GPAT4: variants seen among roughly 807,000 people sequenced by gnomAD.
GPAT4 encodes 1-AGP acyltransferase 6.
Under a neutral mutation model 58.0 loss-of-function variants are expected in GPAT4, and 17 were observed. That is an observed-to-expected ratio of 0.29 (90% CI 0.20 to 0.44). GPAT4 has a LOEUF of 0.44. Among genes scored for constraint, GPAT4 ranks in the 20% least tolerant of loss-of-function variants. The probability of loss-of-function intolerance (pLI) is 1.00; values close to 1 mark genes in which losing one functional copy is unlikely to be tolerated. For synonymous variants in GPAT4, 204 were observed against 210.1 expected, an observed-to-expected ratio of 0.97 and a Z score of 0.25; for missense variants, 377 against 574.5, an observed-to-expected ratio of 0.66 and a Z score of 3.51.
At chr8:41,614,827 T>C (rs1803547784) in intron 9 of GPAT4, 136 bp from the exon 10 acceptor site, 4 of 711,572 alleles carry the variant, frequency 5.6e-6, no homozygotes, top group Non-Finnish European at 4.7e-6. Context: ...GTTTTTAAGT[T>C]AGGGAGATGA....
chr8:41,591,990 C>T (rs893393574), intron 1 of GPAT4, among the ~76,000 whole-genome samples: 1 of 152,198 alleles, frequency 6.6e-6, no homozygotes, highest in Non-Finnish European at 1.5e-5. Flanking sequence ...ACGTTTGATT[C>T]GGTTGAGCAT....
chr8:41,589,923 C>T (rs573016354), intron 1 of GPAT4, among the ~76,000 whole-genome samples: 10 of 152,320 alleles, frequency 6.6e-5, no homozygotes, highest in African/African-American at 2.2e-4. Context: ...TTGCCCTGGA[C>T]AGGCCTGAGA....
chr8:41,609,561 G>A (rs1803379803), intron 3 of GPAT4, 76 bp downstream of exon 3: 11 of 1,600,248 alleles, frequency 6.9e-6, no homozygotes, highest in Admixed American at 1.7e-5. Context: ...TGCCACACAC[G>A]CTCTTCCCTG....
intron 1 of GPAT4, among the ~76,000 whole-genome samples, chr8:41,594,409 T>C (rs1420368962): frequency 6.6e-6 from 1 of 152,194 alleles, no homozygotes; most frequent in Non-Finnish European, 1.5e-5. Flanking sequence ...TAAACTGTTT[T>C]TTTAAATAGT....
chr8:41,619,189 G>A (rs1803681893), intron 12 of GPAT4: 1 of 612,304 alleles, frequency 1.6e-6, no homozygotes, highest in Admixed American at 2.9e-5. Flanking sequence ...TGAGGCAGTT[G>A]ATTCTGTGTA....
intron 1 of GPAT4, among the ~76,000 whole-genome samples, chr8:41,595,766 C>T (rs541888881): frequency 6.6e-6 from 1 of 152,110 alleles, no homozygotes; most frequent in Non-Finnish European, 1.5e-5. Context: ...CTCTCTGCCT[C>T]TCTCCCTCCT....
chr8:41,598,066 T>C (rs77995924), intron 1 of GPAT4, among the ~76,000 whole-genome samples: 1 of 152,220 alleles, frequency 6.6e-6, no homozygotes, highest in African/African-American at 2.4e-5. Context: ...CCACCGATCA[T>C]ATCATTTGGG....
chr8:41,580,850 T>G (rs187495390), intron 1 of GPAT4, among the ~76,000 whole-genome samples: 1 of 152,290 alleles, frequency 6.6e-6, no homozygotes, highest in East Asian at 1.9e-4. Context: ...GTGTTTGGTG[T>G]GAGGAGTGTT....
At position 41,608,298 on chromosome 8, in the gene GPAT4, C is replaced by T. The variant is rs142573517; in HGVS notation, c.166-1118C>T. 2.4e-3 allele frequency among the ~76,000 whole-genome samples: 373 copies of T among 152,336 alleles called. 4 individuals carry two copies. The highest frequency in any genetic ancestry group is 1.8e-3 in the Non-Finnish European group (120 of 68,034). On this transcript the variant is annotated intron_variant, in intron 2 of 12. Coordinates refer to ENST00000396987, the MANE Select transcript of GPAT4 (RefSeq NM_178819.4). ...TGGGCTTTGCCAGCAGAACCCGCAC[C>T]ATGTGCCCTGGGCCACGTGCATCTT... is the stretch of plus-strand genomic sequence containing the variant.
At position 41,621,771 on chromosome 8, in the gene GPAT4, T is replaced by C. The variant is rs1460115076; in HGVS notation, c.*770T>C. On this transcript the variant is annotated 3_prime_UTR_variant, in exon 13 of 13. Transcript: ENST00000396987. The stretch of plus-strand genomic sequence containing the variant: ...CACAGGGCTGTTGTGGGGATTAAAG[T>C]GCTGCGGGTGAGTGAAGGACACATC... 6.6e-6 allele frequency: 1 copy of C among 152,246 alleles called. No homozygotes were observed. The highest frequency in any genetic ancestry group is 1.5e-5 in the Non-Finnish European group (1 of 68,112). 9.4% of individuals were successfully genotyped at this position (152,246 alleles called of 1,614,324 possible).
At position 41,621,675 on chromosome 8, in the gene GPAT4, CT is replaced by C. The variant is rs901179083; in HGVS notation, c.*677del. On this transcript the variant is annotated 3_prime_UTR_variant, in exon 13 of 13. Coordinates refer to ENST00000396987, the MANE Select transcript of GPAT4 (RefSeq NM_178819.4). The stretch of plus-strand genomic sequence containing the variant: ...CCCTGAACTCCCCATGTGATGCGCG[CT>C]TTGTTGAATGTGTGTCTCGGTTTCC... The C allele has an allele frequency of 6.6e-6, 1 of 152,316 alleles. No homozygotes were observed. Among genetic ancestry groups the C allele is most frequent in the African/African-American group, 2.4e-5 (1 of 41,422 alleles). 9.4% of individuals were successfully genotyped at this position (152,316 alleles called of 1,614,324 possible).
intron 1 of GPAT4, among the ~76,000 whole-genome samples, chr8:41,594,336 C>G (rs1260653777): frequency 6.6e-6 from 1 of 152,108 alleles, no homozygotes; most frequent in Non-Finnish European, 1.5e-5. Flanking sequence ...AATTTACATT[C>G]CTATGCCTGC....
rs56763123 is a variant in GPAT4, at chr8:41,596,731, A to C, written c.-848-1561A>C. ...TAAGGGGCTGCCTTGGCCTTCCTCT[A>C]ATCACCTTGTTTCCAGTCAGGGAAC... On this transcript the variant is annotated intron_variant, in intron 1 of 12. Coordinates refer to ENST00000396987, the MANE Select transcript of GPAT4 (RefSeq NM_178819.4). 5.3e-3 allele frequency among the ~76,000 whole-genome samples: 812 copies of C among 152,300 alleles called. 8 individuals carry two copies. Among genetic ancestry groups the C allele is most frequent in the East Asian group, 0.033 (172 of 5,186 alleles).
At chr8:41,618,650 T>C (rs368357293) in intron 10 of GPAT4, 34 bp from the exon 11 acceptor site, 4 of 1,612,454 alleles carry the variant, frequency 2.5e-6, no homozygotes, top group Non-Finnish European at 3.4e-6. Flanking sequence ...TGAGAACTAC[T>C]CATGTCTTAC....
rs529219710 is a variant in GPAT4, at chr8:41,622,667, A to T, written c.*1666A>T. 1 of 152,368 alleles carries T rather than the reference A, an allele frequency of 6.6e-6. No homozygotes were observed. Among genetic ancestry groups the T allele is most frequent in the South Asian group, 2.1e-4 (1 of 4,826 alleles). 9.4% of individuals were successfully genotyped at this position (152,368 alleles called of 1,614,324 possible). On this transcript the variant is annotated 3_prime_UTR_variant, in exon 13 of 13. Transcript: ENST00000396987. ...GGGGCTGCAGACAGATCCACTTTGCATGTGGTACCTGCTGGGTTGGCCCTG... is the reference window on the plus strand; with the variant it reads ...GGGGCTGCAGACAGATCCACTTTGCTTGTGGTACCTGCTGGGTTGGCCCTG...
Position 41,596,779 on chromosome 8 carries a change from C to T in GPAT4, c.-848-1513C>T, listed in dbSNP as rs376605835. Reference sequence around the variant, plus strand: ...AACCAAGAAATGCAACAGGACTAGCCGCGGACAAGAACACCTCAGACACCA... The same window carrying T: ...AACCAAGAAATGCAACAGGACTAGCTGCGGACAAGAACACCTCAGACACCA... On this transcript the variant is annotated intron_variant, in intron 1 of 12. Coordinates refer to ENST00000396987, the MANE Select transcript of GPAT4 (RefSeq NM_178819.4). Among the ~76,000 whole-genome samples, 266 of 152,266 alleles carry T rather than the reference C, an allele frequency of 1.7e-3. 1 individual carries two copies. Among genetic ancestry groups the T allele is most frequent in the Middle Eastern group, 0.017 (5 of 294 alleles).
At chr8:41,592,597 G>T (rs1319040972) in intron 1 of GPAT4, among the ~76,000 whole-genome samples, 1 of 152,138 alleles carries the variant, frequency 6.6e-6, no homozygotes, top group Non-Finnish European at 1.5e-5. Context: ...CATGGCCATT[G>T]ATCTCCCATT....
chr8:41,592,660 G>C (rs976348491), intron 1 of GPAT4, among the ~76,000 whole-genome samples: 4 of 152,144 alleles, frequency 2.6e-5, no homozygotes, highest in Admixed American at 6.5e-5. Flanking sequence ...TGGGCTAAAT[G>C]CTCGGCTAAT....
chr8:41,612,406 G>A, intron 7 of GPAT4, 133 bp downstream of exon 7: 1 of 840,310 alleles, frequency 1.2e-6, no homozygotes, highest in South Asian at 1.7e-5. Flanking sequence ...GTCACTGTGG[G>A]GGCTCTGTGG....
Sources: gnomAD v4.1 joint callset for allele counts (sites outside exome capture counted in the v4.1 genomes callset) on GRCh38, gnomAD v4.1.1 for gene constraint, MANE v1.5 for transcripts, NCBI Gene and HGNC (gene_info 2026-07-23, HGNC 2026-07-21) for gene names.